SGCD: variants seen among roughly 807,000 people sequenced by gnomAD.
SGCD encodes delta-sarcoglycan.
Under a neutral mutation model 36.6 loss-of-function variants are expected in SGCD, and 18 were observed. The observed-to-expected ratio is 0.49, with a 90% CI of 0.34 to 0.73. The LOEUF is 0.73. SGCD is among the 30% of genes least tolerant of loss of function. The pLI, the probability that SGCD is intolerant of heterozygous loss-of-function variation, is 0.01. For synonymous variants in SGCD, 133 were observed against 130.6 expected (o/e 1.02, Z -0.12); for missense variants, 387 against 346.7 (o/e 1.12, Z -0.92).
At chr5:156,475,114 A>G (rs1391830943) in intron 3 of SGCD, among the ~76,000 whole-genome samples, 2 of 152,184 alleles carry the variant, frequency 1.3e-5, no homozygotes, top group African/African-American at 4.8e-5. Flanking sequence ...ACTATTCAAT[A>G]AGTCCCCTTC....
At chr5:156,017,278 ATTT>A (rs1759006075) in intron 1 of SGCD, among the ~76,000 whole-genome samples, 2 of 151,974 alleles carry the variant, frequency 1.3e-5, no homozygotes, top group Admixed American at 1.3e-4. Flanking sequence ...CTTATTTTTC[ATTT>A]GTGTTCCAGC....
chr5:156,731,438 T>C (rs927768302), intron 7 of SGCD, among the ~76,000 whole-genome samples: 2 of 152,226 alleles, frequency 1.3e-5, no homozygotes, highest in African/African-American at 4.8e-5. Flanking sequence ...ACAGGTTCGG[T>C]GTCAGTCTTC....
intron 1 of SGCD, among the ~76,000 whole-genome samples, chr5:156,015,643 A>T (rs954164866): frequency 1.3e-5 from 2 of 151,668 alleles, no homozygotes; most frequent in Admixed American, 1.3e-4. Context: ...ATGTATATGT[A>T]TACCCTTTTA....
chr5:155,793,054 G>A, the SGCD span, among the ~76,000 whole-genome samples: 22 of 152,224 alleles, frequency 1.4e-4, no homozygotes, highest in Admixed American at 4.6e-4. Context: ...CACATACACC[G>A]TGGAATACTA....
chr5:156,234,362 A>C (rs1196242499), intron 3 of SGCD, among the ~76,000 whole-genome samples: 1 of 152,174 alleles, frequency 6.6e-6, no homozygotes, highest in Non-Finnish European at 1.5e-5. Flanking sequence ...CAGCAACTTT[A>C]TACATATTTA....
At chr5:155,746,214 TAATA>T in the SGCD span, among the ~76,000 whole-genome samples, 2 of 152,152 alleles carry the variant, frequency 1.3e-5, no homozygotes, top group Non-Finnish European at 2.9e-5. Context: ...TATTGGATAA[TAATA>T]AGTAAATTAT....
intron 7 of SGCD, among the ~76,000 whole-genome samples, chr5:156,695,082 G>C (rs1754252906): frequency 1.3e-5 from 2 of 151,708 alleles, no homozygotes. Flanking sequence ...AGGGGAGAGT[G>C]CCATGTTCTT....
chr5:155,987,393 T>A (rs1758352287), intron 1 of SGCD, among the ~76,000 whole-genome samples: 1 of 152,194 alleles, frequency 6.6e-6, no homozygotes, highest in Admixed American at 6.5e-5. Flanking sequence ...AGGCTCACTG[T>A]CCTCGTTTGG....
At chr5:156,185,227 T>C (rs1482315816) in intron 3 of SGCD, among the ~76,000 whole-genome samples, 2 of 148,304 alleles carry the variant, frequency 1.3e-5, no homozygotes. Context: ...TTTTTTTTTT[T>C]TTTTTGAGAC....
chr5:156,203,162 G>A (rs1265244305), intron 3 of SGCD, among the ~76,000 whole-genome samples: 1 of 152,076 alleles, frequency 6.6e-6, no homozygotes, highest in Non-Finnish European at 1.5e-5. Flanking sequence ...AAATCCACAT[G>A]TACTTTTCAT....
At chr5:156,726,375 G>T (rs1755773431) in intron 7 of SGCD, among the ~76,000 whole-genome samples, 2 of 152,152 alleles carry the variant, frequency 1.3e-5, no homozygotes, top group African/African-American at 4.8e-5. Context: ...AAATCTGGTT[G>T]TCATCCCTCT....
the SGCD span, among the ~76,000 whole-genome samples, chr5:155,746,619 G>A: frequency 6.6e-6 from 1 of 152,060 alleles, no homozygotes; most frequent in Non-Finnish European, 1.5e-5. Flanking sequence ...CTTTTGTCTA[G>A]TTTCCAGCTT....
intron 1 of SGCD, among the ~76,000 whole-genome samples, chr5:156,078,627 TAC>T (rs1320046400): frequency 6.9e-6 from 1 of 145,546 alleles, no homozygotes; most frequent in Non-Finnish European, 1.5e-5. Flanking sequence ...ACAGTATATA[TAC>T]ACACACATAT....
chr5:156,147,355 T>C (rs1228034429), intron 3 of SGCD, among the ~76,000 whole-genome samples: 1 of 152,232 alleles, frequency 6.6e-6, no homozygotes, highest in Non-Finnish European at 1.5e-5. Context: ...TACATTTTAT[T>C]CTCTTGATTA....
At chr5:156,656,889 TTC>T (rs1316130513) in intron 7 of SGCD, among the ~76,000 whole-genome samples, 13 of 152,174 alleles carry the variant, frequency 8.5e-5, no homozygotes, top group Non-Finnish European at 1.9e-4. Context: ...CCTGTAGGGT[TTC>T]TTTTTGTTGT....
At chr5:155,773,570 A>G in the SGCD span, among the ~76,000 whole-genome samples, 68 of 152,238 alleles carry the variant, frequency 4.5e-4, no homozygotes, top group African/African-American at 1.5e-3. Context: ...TGAACAGGGT[A>G]TTGTCATTGC....
rs148964151 is a variant in SGCD at position 156,008,907 on chromosome 5, C to T, written c.-281-108971C>T. On this transcript the variant is annotated intron_variant, in intron 1 of 9. Coordinates refer to the SGCD transcript ENST00000517913. ...AATGAATTAAATAAAATCTTCAGCA[C>T]ATGTTCAGTCTATATTTATACAAGA... Among the ~76,000 whole-genome samples, 9 of 152,294 alleles carry T rather than the reference C, an allele frequency of 5.9e-5. No individual in the cohort carries two copies. In the East Asian group the frequency reaches 1.7e-3, roughly 29 times the overall value.
chr5:156,372,812 G>A (rs1216084221), intron 3 of SGCD, among the ~76,000 whole-genome samples: 1 of 152,038 alleles, frequency 6.6e-6, no homozygotes, highest in Non-Finnish European at 1.5e-5. Context: ...TACCCATTGG[G>A]TGCTAAAATT....
chr5:155,799,227 T>C, the SGCD span, among the ~76,000 whole-genome samples: 1 of 152,166 alleles, frequency 6.6e-6, no homozygotes, highest in African/African-American at 2.4e-5. Context: ...ACAATTGTCT[T>C]GTTAATGAGG....
Sources: gnomAD v4.1 joint callset for allele counts (sites outside exome capture counted in the v4.1 genomes callset) on GRCh38, gnomAD v4.1.1 for gene constraint, MANE v1.5 for transcripts, NCBI Gene and HGNC (gene_info 2026-07-23, HGNC 2026-07-21) for gene names.